The following DIAPH2 variants were observed in gnomAD, a reference collection of about 807,000 sequenced individuals.
DIAPH2 encodes diaphanous related formin 2, also known as protein diaphanous homolog 2.
In DIAPH2, 35 loss-of-function variants were observed where a neutral mutation model predicts 92.7. The ratio of observed to expected loss-of-function variants is 0.38; its 90% CI spans 0.29 to 0.50. The LOEUF (loss-of-function observed/expected upper bound fraction) is 0.50. Ranked by LOEUF, DIAPH2 falls within the 20% of genes least tolerant of loss-of-function variation. The probability of loss-of-function intolerance (pLI) is 0.94; values close to 1 mark genes in which losing one functional copy is unlikely to be tolerated. For synonymous variants in DIAPH2, 301 were observed against 280.4 expected, an observed-to-expected ratio of 1.07 and a Z score of -0.73; for missense variants, 701 against 819.5, an observed-to-expected ratio of 0.86 and a Z score of 1.77.
At chrX:96,760,515 A>C (rs1446583292) in intron 4 of DIAPH2, among the ~76,000 whole-genome samples, 2 of 110,965 alleles carry the variant, frequency 1.8e-5, no homozygotes, top group African/African-American at 6.5e-5. Context: ...ATTGTAGTGA[A>C]ATTTAAACGT....
chrX:97,384,373 G>A (rs2069579484), intron 25 of DIAPH2, among the ~76,000 whole-genome samples: 1 of 112,004 alleles, frequency 8.9e-6, no homozygotes, highest in Non-Finnish European at 1.9e-5. Flanking sequence ...GGGGAGATAA[G>A]CCTTAGCTTT....
chrX:97,541,062 A>G (rs1356556865), intron 26 of DIAPH2, among the ~76,000 whole-genome samples: 1 of 111,651 alleles, frequency 9.0e-6, no homozygotes, highest in Non-Finnish European at 1.9e-5. Context: ...TAAGAAAAAT[A>G]AACTATCTTA....
In DIAPH2 at chrX:97,447,651, G is replaced by C. The variant is rs1181639204; in HGVS notation, c.3241+17906G>C. Among the ~76,000 whole-genome samples the C allele has an allele frequency of 3.6e-5, 4 of 111,764 alleles. No homozygotes were observed. In the East Asian group the frequency reaches 1.1e-3, roughly 31 times the overall value. On this transcript the variant is annotated intron_variant, in intron 26 of 26. Coordinates refer to ENST00000324765, the MANE Select transcript of DIAPH2 (RefSeq NM_006729.5). ...TCTAGAGATGGTGGGTGGTGCGTTA[G>C]CTCTGTATGTAACAGGGAAAATCCT...
At chrX:96,723,083 A>C (rs1323736514) in intron 1 of DIAPH2, among the ~76,000 whole-genome samples, 1 of 111,728 alleles carries the variant, frequency 9.0e-6, no homozygotes, top group Non-Finnish European at 1.9e-5. Context: ...TCCTAAAAAA[A>C]GTGATCACTG....
At chrX:97,333,771 G>A (rs1422480140) in intron 23 of DIAPH2, among the ~76,000 whole-genome samples, 1 of 110,084 alleles carries the variant, frequency 9.1e-6, no homozygotes, top group Non-Finnish European at 1.9e-5. Flanking sequence ...CACCATGTTG[G>A]CCGGGCTGGT....
chrX:97,369,217 C>G (rs1380071584), intron 24 of DIAPH2, among the ~76,000 whole-genome samples: 2 of 111,586 alleles, frequency 1.8e-5, no homozygotes, highest in Non-Finnish European at 3.8e-5. Context: ...CAGAATCTAC[C>G]TTTCAGAGGC....
intron 21 of DIAPH2, among the ~76,000 whole-genome samples, chrX:97,121,204 G>A (rs1176797921): frequency 8.9e-6 from 1 of 112,163 alleles, no homozygotes; most frequent in Admixed American, 9.4e-5. Flanking sequence ...GTATTGTTCA[G>A]CTTGGACTGA....
chrX:96,870,984 T>A (rs956862027), intron 4 of DIAPH2, among the ~76,000 whole-genome samples: 3 of 111,809 alleles, frequency 2.7e-5, no homozygotes, highest in Non-Finnish European at 5.6e-5. Flanking sequence ...ACCATTTTAT[T>A]TAAATACCTT....
At chrX:97,039,357 T>C (rs1217022567) in intron 17 of DIAPH2, among the ~76,000 whole-genome samples, 1 of 111,826 alleles carries the variant, frequency 8.9e-6, no homozygotes, top group Non-Finnish European at 1.9e-5. Flanking sequence ...GAAGTTTTCA[T>C]TTGCATTTTA....
intron 26 of DIAPH2, among the ~76,000 whole-genome samples, chrX:97,583,174 C>T (rs1373834547): frequency 1.8e-5 from 2 of 112,202 alleles, no homozygotes; most frequent in African/African-American, 3.2e-5. Flanking sequence ...TCTCTCAGCT[C>T]GTCGAAGTCA....
In DIAPH2 at chrX:96,830,774, TAAC is replaced by T. The variant is rs200039744; in HGVS notation, c.448-50802_448-50800del. Among the ~76,000 whole-genome samples, 764 of 110,070 alleles carry T rather than the reference TAAC, an allele frequency of 6.9e-3. 6 individuals are homozygous for T. The highest frequency in any genetic ancestry group is 0.024 in the African/African-American group (737 of 30,290). The stretch of plus-strand genomic sequence containing the variant: ...ACATTTGAAAAAAAAAGTAACAAAT[TAAC>T]AAAGTTTTAAAATGTTCGATAATGG... On this transcript the variant is annotated intron_variant, in intron 4 of 26. Coordinates refer to ENST00000324765, the MANE Select transcript of DIAPH2 (RefSeq NM_006729.5).
intron 26 of DIAPH2, among the ~76,000 whole-genome samples, chrX:97,512,300 G>A (rs1390269303): frequency 8.8e-6 from 1 of 113,367 alleles, no homozygotes; most frequent in African/African-American, 3.2e-5. Flanking sequence ...TTTGCGTAGA[G>A]GTGTTTGTAG....
intron 22 of DIAPH2, among the ~76,000 whole-genome samples, chrX:97,142,973 G>A (rs190129873): frequency 8.9e-6 from 1 of 111,808 alleles, no homozygotes; most frequent in Admixed American, 9.5e-5. Context: ...GTTGGGTATT[G>A]TCAATCAAAT....
At chrX:97,177,938 G>A (rs1238502799) in intron 22 of DIAPH2, among the ~76,000 whole-genome samples, 1 of 111,561 alleles carries the variant, frequency 9.0e-6, no homozygotes, top group Non-Finnish European at 1.9e-5. Context: ...GCCAGGCACG[G>A]TGGTTTGCCC....
At chrX:96,945,263 T>C (rs1364827045) in intron 13 of DIAPH2, among the ~76,000 whole-genome samples, 2 of 111,700 alleles carry the variant, frequency 1.8e-5, no homozygotes, top group Non-Finnish European at 3.8e-5. Flanking sequence ...TCAAAAATAA[T>C]TGAATACCCA....
intron 26 of DIAPH2, among the ~76,000 whole-genome samples, chrX:97,535,546 G>A (rs2071089341): frequency 9.0e-6 from 1 of 111,284 alleles, no homozygotes; most frequent in Non-Finnish European, 1.9e-5. Flanking sequence ...CAGCCTCCTG[G>A]GTTCAAGCGA....
chrX:96,788,721 A>C (rs2064477495), intron 4 of DIAPH2, among the ~76,000 whole-genome samples: 1 of 112,139 alleles, frequency 8.9e-6, no homozygotes, highest in South Asian at 3.7e-4. Flanking sequence ...TTAGTACTGT[A>C]AGCCCCTTTA....
chrX:97,078,699 G>A (rs994888464), intron 19 of DIAPH2, among the ~76,000 whole-genome samples: 10 of 111,236 alleles, frequency 9.0e-5, no homozygotes, highest in Non-Finnish European at 1.5e-4. Context: ...CTATTTAAAT[G>A]TAATTGGTAT....
intron 17 of DIAPH2, 132 bp from the exon 18 acceptor site, chrX:97,072,809 A>C (rs2066678194): frequency 5.0e-6 from 2 of 402,815 alleles, no homozygotes; most frequent in Admixed American, 1.1e-4. Context: ...CTCTTCCTTG[A>C]GCTAATGAAA....
Sources: allele counts gnomAD v4.1 joint callset (sites outside exome capture counted in the v4.1 genomes callset), GRCh38; gene constraint gnomAD v4.1.1; transcripts MANE v1.5; gene names NCBI Gene and HGNC (gene_info 2026-07-23, HGNC 2026-07-21).